The following CYP4F3 variants were observed in gnomAD, a reference collection of about 807,000 sequenced individuals.
The protein encoded by CYP4F3 is cytochrome P450 family 4 subfamily F member 3.
CYP4F3 carries 50 observed loss-of-function variants against 54.8 expected under a neutral mutation model. The observed-to-expected ratio is 0.91, with a 90% CI of 0.73 to 1.16. CYP4F3 has a LOEUF of 1.16. Ranked by LOEUF, CYP4F3 falls within the 50% of genes most tolerant of loss-of-function variation. The pLI is 0.00. For missense variants in CYP4F3, 715 were observed against 676.2 expected (o/e 1.06, Z -0.64); for synonymous variants, 244 against 262.6 (o/e 0.93, Z 0.69).
chr19:15,654,111 G>A (rs932140930), intron 9 of CYP4F3, among the ~76,000 whole-genome samples: 2 of 152,144 alleles, frequency 1.3e-5, no homozygotes, highest in Admixed American at 6.5e-5. Flanking sequence ...AGGAAGCATT[G>A]GAGTGGACGG....
intron 9 of CYP4F3, among the ~76,000 whole-genome samples, chr19:15,655,790 CTTT>C (rs1972995619): frequency 6.6e-6 from 1 of 152,106 alleles, no homozygotes; most frequent in Non-Finnish European, 1.5e-5. Context: ...TGTTCTTTGT[CTTT>C]AATTGACAAG....
At chr19:15,646,923 T>C (rs943435678) in intron 3 of CYP4F3, 129 bp from the exon 4 acceptor site, 5 of 1,345,782 alleles carry the variant, frequency 3.7e-6, no homozygotes, top group East Asian at 2.3e-5. Context: ...TCCTCTCCCC[T>C]TGACCCTCTT....
chr19:15,661,588 A>G lies in CYP4F3; in HGVS notation c.*2203A>G, dbSNP rs994373167. 3 of 152,178 alleles carry G rather than the reference A, an allele frequency of 2.0e-5. No individual in the cohort carries two copies. The highest frequency in any genetic ancestry group is 1.9e-4 in the East Asian group (1 of 5,194). The allele number at this position is 152,178 out of a possible 1,614,324, so 9.4% of individuals were successfully genotyped here. A position where few individuals can be genotyped will look rare whatever the true frequency, so the allele number is the denominator to read the frequency against. On this transcript the variant is annotated 3_prime_UTR_variant, in exon 13 of 13. Coordinates refer to ENST00000221307, the MANE Select transcript of CYP4F3 (RefSeq NM_000896.3). ...GAAGTGTCTGTTCAATCATCTGCTC[A>G]TTAAATTTTCCTTCGGTTGTTTGCC...
chr19:15,650,091 C>T lies in CYP4F3; in HGVS notation c.826C>T (p.Arg276Cys), dbSNP rs144564422. Residue 276 changes from arginine (R) to cysteine (C), a missense_variant, in exon 7 of 13, where the codon CGC becomes TGC. Coordinates refer to ENST00000221307, the MANE Select transcript of CYP4F3 (RefSeq NM_000896.3). ...AGATGCCGTCATCCAGGAGCGGCGC[C>T]GCACCCTCCCTAGCCAGGGTGTTGA... ...FTDAVIQERR[R>C]TLPSQGVDDF... 6.9e-5 allele frequency: 111 copies of T among 1,614,172 alleles called. No homozygotes were observed. The East Asian group carries it at 7.4e-4, about 11-fold the overall frequency.
In CYP4F3 at chr19:15,641,527, A is replaced by C; in HGVS notation, c.112A>C (p.Thr38Pro). 6.2e-7 allele frequency: 1 copy of C among 1,613,938 alleles called. No individual in the cohort carries two copies. Among genetic ancestry groups the C allele is most frequent in the Non-Finnish European group, 8.5e-7 (1 of 1,179,986 alleles). ...SWLLARILAW[T>P]YTFYDNCCRL... Reference sequence around the variant, plus strand: ...GCTCCTGGCCCGCATCCTGGCCTGGACCTATACCTTCTATGACAACTGCTG... The same window carrying C: ...GCTCCTGGCCCGCATCCTGGCCTGGCCCTATACCTTCTATGACAACTGCTG... The change falls in exon 2 of 13, where the codon ACC (threonine) becomes CCC (proline). Residue 38 changes from threonine (T) to proline (P), a missense_variant. By Grantham distance (38) the Thr-to-Pro change is conservative. Transcript: ENST00000221307.
At chr19:15,646,443 C>T (rs1222747441) in intron 3 of CYP4F3, among the ~76,000 whole-genome samples, 2 of 152,150 alleles carry the variant, frequency 1.3e-5, no homozygotes, top group African/African-American at 4.8e-5. Context: ...ACGTGAGGAA[C>T]AGTCTGGGTC....
chr19:15,647,029 CT>C (rs1261197468), intron 3 of CYP4F3, 22 bp from the exon 4 acceptor site: 3 of 1,613,856 alleles, frequency 1.9e-6, no homozygotes, highest in African/African-American at 2.7e-5. Context: ...TCCATGGCCC[CT>C]GATTGTCCTC....
Position 15,640,905 on chromosome 19 carries a change from G to A in CYP4F3, c.-42G>A, listed in dbSNP as rs1972444119. ...AGGGGAAAAAACCTCCCAGAAGAAG[G>A]GGAGAGGAGGTTGTGTGGGACAAGG... On this transcript the variant is annotated 5_prime_UTR_variant, in exon 1 of 13. Transcript: ENST00000221307. The A allele has an allele frequency of 6.5e-6, 1 of 154,160 alleles. No homozygotes were observed. Among genetic ancestry groups the A allele is most frequent in the Non-Finnish European group, 1.4e-5 (1 of 69,166 alleles). The allele number at this position is 154,160 out of a possible 1,614,324, so 9.5% of individuals were successfully genotyped here.
At position 15,658,503 on chromosome 19, in the gene CYP4F3, T is replaced by G; in HGVS notation, c.1262T>G (p.Leu421Arg). Residue 421 changes from leucine (L) to arginine (R), a missense_variant, in exon 11 of 13, where the codon CTC (leucine) becomes CGC (arginine). Transcript: ENST00000221307. ...GRVIPKGIIC[L>R]ISVFGTHHNP... is the part of the protein sequence containing the mutation. ...TTCTCTCCCACAGGCATTATCTGCC[T>G]CATCAGTGTTTTTGGAACCCATCAC... 1.9e-6 allele frequency: 3 copies of G among 1,614,172 alleles called. No individual in the cohort carries two copies. In the South Asian group the frequency reaches 3.3e-5, roughly 18 times the overall value.
At chr19:15,650,808 C>CTCTTTCTTTCTTTCTTTCTT (rs754901864) in intron 7 of CYP4F3, among the ~76,000 whole-genome samples, 2 of 12,926 alleles carry the variant, frequency 1.5e-4, no homozygotes, top group Non-Finnish European at 2.4e-4. Context: ...TCTCTCTCTT[C>CTCTTTCTTTCTTTCTTTCTT]TCTTTCTTTC....
At chr19:15,650,801 C>T (rs1230110396) in intron 7 of CYP4F3, among the ~76,000 whole-genome samples, 393 of 6,842 alleles carry the variant, frequency 0.057, 35 homozygotes, top group Non-Finnish European at 0.069. Flanking sequence ...CTTTCTTTCT[C>T]TCTCTTCTCT....
At chr19:15,643,784 C>T in intron 2 of CYP4F3, 1 of 1,226,108 alleles carries the variant, frequency 8.2e-7, no homozygotes, top group Non-Finnish European at 1.1e-6. Context: ...AAATTGAATG[C>T]CAGTCTCTTC....
At chr19:15,648,130 T>C (rs575661495) in intron 5 of CYP4F3, among the ~76,000 whole-genome samples, 1 of 152,212 alleles carries the variant, frequency 6.6e-6, no homozygotes, top group Admixed American at 6.5e-5. Flanking sequence ...GTGAAGTGTT[T>C]AGAATTTTTT....
intron 7 of CYP4F3, among the ~76,000 whole-genome samples, chr19:15,650,680 C>CTTTCTTTCTTT (rs1972779056): frequency 1.7e-5 from 1 of 58,040 alleles, no homozygotes; most frequent in African/African-American, 9.2e-5. Flanking sequence ...TTCTTTCTTT[C>CTTTCTTTCTTT]TTTCTTTCTT....
At chr19:15,643,481 G>A (rs935427543) in intron 2 of CYP4F3, among the ~76,000 whole-genome samples, 2 of 152,160 alleles carry the variant, frequency 1.3e-5, no homozygotes, top group African/African-American at 2.4e-5. Context: ...CAGACAGATA[G>A]ATAGATAGAA....
intron 1 of CYP4F3, 169 bp from the exon 2 acceptor site, chr19:15,641,246 G>T (rs1288466135): frequency 1.0e-5 from 8 of 794,574 alleles, no homozygotes; most frequent in Non-Finnish European, 1.6e-5. Context: ...GCTGGTTTTG[G>T]CTGGGCCTTT....
intron 9 of CYP4F3, among the ~76,000 whole-genome samples, chr19:15,655,041 C>A (rs1972976473): frequency 6.6e-6 from 1 of 152,150 alleles, no homozygotes; most frequent in Non-Finnish European, 1.5e-5. Context: ...TCTATCATTG[C>A]CTGTCTTTTT....
intron 9 of CYP4F3, among the ~76,000 whole-genome samples, chr19:15,657,437 G>A (rs945800281): frequency 2.0e-5 from 3 of 152,076 alleles, no homozygotes; most frequent in Non-Finnish European, 4.4e-5. Context: ...GGGATTACAG[G>A]TGCCCCCCCA....
rs1024748652 is a variant in CYP4F3 at position 15,660,056 on chromosome 19, A to T, written c.*671A>T. 1.3e-5 allele frequency: 2 copies of T among 152,216 alleles called. No homozygotes were observed. The highest frequency in any genetic ancestry group is 2.4e-5 in the African/African-American group (1 of 41,468). The allele number at this position is 152,216 out of a possible 1,614,324, so 9.4% of individuals were successfully genotyped here. On this transcript the variant is annotated 3_prime_UTR_variant, in exon 13 of 13. Transcript: ENST00000221307. ...ATTACAGCTCATATATACTTTTTCC[A>T]TCTGGATTCTTCACAAAAGAATATG...
Sources: gnomAD v4.1 joint callset for allele counts (sites outside exome capture counted in the v4.1 genomes callset) on GRCh38, gnomAD v4.1.1 for gene constraint, MANE v1.5 for transcripts, NCBI Gene and HGNC (gene_info 2026-07-23, HGNC 2026-07-21) for gene names.